The following PTPDC1 variants were observed in gnomAD, a reference collection of about 807,000 sequenced individuals.
PTPDC1 encodes the protein protein tyrosine phosphatase domain containing 1, also known as protein tyrosine phosphatase domain-containing protein 1.
PTPDC1 carries 53 observed loss-of-function variants against 75.3 expected under a neutral mutation model. That is an observed-to-expected ratio of 0.70 (90% CI 0.56 to 0.88). PTPDC1 has a LOEUF of 0.88. PTPDC1 is among the 40% of genes least tolerant of loss of function. The pLI, the probability that PTPDC1 is intolerant of heterozygous loss-of-function variation, is 0.00. For missense variants in PTPDC1, 925 were observed against 998.6 expected (o/e 0.93, Z 0.99); for synonymous variants, 349 against 366.2 (o/e 0.95, Z 0.54).
At chr9:94,053,195 G>A (rs1417798803) in intron 1 of PTPDC1, among the ~76,000 whole-genome samples, 1 of 152,074 alleles carries the variant, frequency 6.6e-6, no homozygotes, top group Non-Finnish European at 1.5e-5. Flanking sequence ...AATCACAGAA[G>A]CCAGTGAAGG....
chr9:94,088,297 C>G (rs543521306), intron 4 of PTPDC1, 34 bp downstream of exon 4: 2 of 1,607,660 alleles, frequency 1.2e-6, no homozygotes, highest in Non-Finnish European at 1.7e-6. Context: ...CATGAATTAT[C>G]AAGGGCAGCA....
intron 1 of PTPDC1, chr9:94,038,333 T>C: frequency 1.6e-6 from 1 of 618,058 alleles, no homozygotes. Flanking sequence ...CAAAAAAAGC[T>C]ACTAGTGAGT....
At chr9:94,088,124 G>T in intron 3 of PTPDC1, 21 bp from the exon 4 acceptor site, 1 of 1,609,142 alleles carries the variant, frequency 6.2e-7, no homozygotes, top group Non-Finnish European at 8.5e-7. Flanking sequence ...CAATATGACT[G>T]ACTGCCCTTT....
intron 7 of PTPDC1, among the ~76,000 whole-genome samples, chr9:94,103,778 C>T (rs1827924928): frequency 6.6e-6 from 1 of 152,164 alleles, no homozygotes; most frequent in African/African-American, 2.4e-5. Flanking sequence ...AGGCTAAGCA[C>T]TTAAGCACTG....
intron 1 of PTPDC1, among the ~76,000 whole-genome samples, chr9:94,057,375 C>A (rs1377736480): frequency 6.6e-6 from 1 of 152,152 alleles, no homozygotes; most frequent in Non-Finnish European, 1.5e-5. Context: ...TGAACCACTG[C>A]ATGCAGCCCA....
chr9:94,062,154 C>G (rs908448254), intron 1 of PTPDC1, among the ~76,000 whole-genome samples: 9 of 152,162 alleles, frequency 5.9e-5, no homozygotes, highest in Non-Finnish European at 1.2e-4. Context: ...CCTAAATTCT[C>G]TCTCAAGTTC....
intron 1 of PTPDC1, among the ~76,000 whole-genome samples, chr9:94,061,503 C>T (rs945433215): frequency 6.6e-6 from 1 of 152,234 alleles, no homozygotes; most frequent in Admixed American, 6.5e-5. Context: ...GCCCTGGTAG[C>T]AGTTCTCCAT....
chr9:94,081,354 A>G (rs1338324396), upstream of PTPDC1, among the ~76,000 whole-genome samples: 8 of 152,086 alleles, frequency 5.3e-5, no homozygotes, highest in Non-Finnish European at 8.8e-5. Context: ...TCAAAGTAAA[A>G]ATATAAAATA....
Position 94,105,657 on chromosome 9 carries a change from A to G in PTPDC1, c.2310+1272A>G, listed in dbSNP as rs1443321539. 4.0e-5 allele frequency among the ~76,000 whole-genome samples: 4 copies of G among 101,090 alleles called. No individual in the cohort carries two copies. The East Asian group carries it at 1.1e-3, about 28-fold the overall frequency. The allele number at this position is 101,090 out of a possible 152,430, so 66.3% of individuals were successfully genotyped here. On this transcript the variant is annotated intron_variant, in intron 8 of 8. Transcript: ENST00000620992. ...CACTCCGGCCTGGCAACAGAGCGAG[A>G]CTCTGTCTCAAAAAAAAAAAAAAAA...
At chr9:94,067,726 C>G (rs930266184) in intron 2 of PTPDC1, among the ~76,000 whole-genome samples, 31 of 152,020 alleles carry the variant, frequency 2.0e-4, no homozygotes, top group Non-Finnish European at 4.3e-4. Context: ...TTCAGCCTCC[C>G]GAGTAGCTGG....
At chr9:94,102,831 G>T (rs926199012) in intron 7 of PTPDC1, among the ~76,000 whole-genome samples, 1 of 152,100 alleles carries the variant, frequency 6.6e-6, no homozygotes, top group Non-Finnish European at 1.5e-5. Flanking sequence ...ACCCACCTTG[G>T]CCTCCCAAAG....
chr9:94,079,907 C>T (rs958440281), upstream of PTPDC1, among the ~76,000 whole-genome samples: 2 of 152,146 alleles, frequency 1.3e-5, no homozygotes, highest in African/African-American at 4.8e-5. Flanking sequence ...GGAGCAGGGG[C>T]ACTTGGGAGA....
chr9:94,033,485 C>T (rs1829765647), intron 1 of PTPDC1, among the ~76,000 whole-genome samples: 1 of 152,128 alleles, frequency 6.6e-6, no homozygotes. Context: ...GTGTTCTAAT[C>T]CCAATTCCAG....
intron 1 of PTPDC1, among the ~76,000 whole-genome samples, chr9:94,044,818 T>G (rs892244510): frequency 5.9e-5 from 9 of 151,946 alleles, no homozygotes; most frequent in Non-Finnish European, 1.0e-4. Flanking sequence ...CGTTCCTGAT[T>G]TAAGGGGGAA....
chr9:94,045,358 C>T (rs1825563148), intron 1 of PTPDC1, among the ~76,000 whole-genome samples: 1 of 152,092 alleles, frequency 6.6e-6, no homozygotes, highest in South Asian at 2.1e-4. Flanking sequence ...GATATATACC[C>T]AGTAATGGGA....
At chr9:94,105,348 G>A (rs1306224715) in intron 8 of PTPDC1, among the ~76,000 whole-genome samples, 2 of 152,344 alleles carry the variant, frequency 1.3e-5, no homozygotes, top group East Asian at 3.9e-4. Flanking sequence ...TACCCACCAT[G>A]TGAAGAAGGT....
In PTPDC1 at chr9:94,095,380, TG is replaced by T; in HGVS notation, c.682del (p.Val228Ter). On this transcript the variant is annotated frameshift_variant, in exon 5 of 9. Transcript: ENST00000620992. LOFTEE classifies it high-confidence loss of function. ...GCGTCTCTTACTACTATCCTAGATA[TG>T]GTGAAGGTGATGACATTTGCCTTAC... The part of the protein sequence containing the change: ...GVASLTTILD[M>X]VKVMTFALQE... 1.2e-6 allele frequency: 2 copies of T among 1,612,976 alleles called. No individual in the cohort carries two copies. Among genetic ancestry groups the T allele is most frequent in the Non-Finnish European group, 8.5e-7 (1 of 1,178,962 alleles).
chr9:94,047,018 C>T (rs933467978), intron 1 of PTPDC1, among the ~76,000 whole-genome samples: 4 of 152,184 alleles, frequency 2.6e-5, no homozygotes, highest in African/African-American at 9.7e-5. Flanking sequence ...GAGATATGTC[C>T]TATCAATACC....
At chr9:94,051,488 G>A (rs987805401) in intron 1 of PTPDC1, among the ~76,000 whole-genome samples, 7 of 152,160 alleles carry the variant, frequency 4.6e-5, no homozygotes, top group Admixed American at 4.6e-4. Flanking sequence ...TGAATTGGGC[G>A]ATGATCCCTA....
Sources: gnomAD v4.1 joint callset for allele counts (sites outside exome capture counted in the v4.1 genomes callset) on GRCh38, gnomAD v4.1.1 for gene constraint, MANE v1.5 for transcripts, NCBI Gene and HGNC (gene_info 2026-07-23, HGNC 2026-07-21) for gene names.